XYLT1: variants seen among roughly 807,000 people sequenced by gnomAD.
The protein encoded by XYLT1 is beta-D-xylosyltransferase 1.
A neutral mutation model predicts 91.3 loss-of-function variants in XYLT1; 36 were observed. That is an observed-to-expected ratio of 0.39 (90% confidence interval 0.30 to 0.52). XYLT1 has a LOEUF of 0.52. Among genes scored for constraint, XYLT1 ranks in the 20% least tolerant of loss-of-function variants. The probability of loss-of-function intolerance (pLI) is 0.68; values close to 1 mark genes in which losing one functional copy is unlikely to be tolerated. For synonymous variants in XYLT1, 588 were observed against 532.0 expected, an observed-to-expected ratio of 1.11 and a Z score of -1.45; for missense variants, 1,242 against 1,284.5, an observed-to-expected ratio of 0.97 and a Z score of 0.51.
chr16:17,226,294 T>C (rs1362327837), intron 3 of XYLT1, among the ~76,000 whole-genome samples: 2 of 152,070 alleles, frequency 1.3e-5, no homozygotes, highest in Non-Finnish European at 2.9e-5. Flanking sequence ...CCACATACCG[T>C]AGGGACATTC....
In XYLT1 at chr16:17,340,520, T is replaced by A. The variant is rs542604836; in HGVS notation, c.402+17492A>T. On this transcript the variant is annotated intron_variant, in intron 2 of 11. Coordinates refer to ENST00000261381, the MANE Select transcript of XYLT1 (RefSeq NM_022166.4). The stretch of plus-strand genomic sequence containing the variant: ...AGAATGGTTAAATCTTAAAGAACAA[T>A]CGCCACCATTACCAATTACACAAAC... Among the ~76,000 whole-genome samples the A allele has an allele frequency of 2.0e-5, 3 of 152,298 alleles. No homozygotes were observed. In the South Asian group the frequency reaches 6.2e-4, roughly 32 times the overall value.
chr16:17,412,462 G>A (rs1265314399), intron 1 of XYLT1, among the ~76,000 whole-genome samples: 1 of 148,582 alleles, frequency 6.7e-6, no homozygotes, highest in Non-Finnish European at 1.5e-5. Context: ...TCTTCATTCT[G>A]TAGTTAGAGG....
At chr16:17,141,042 G>C (rs2030957203) in intron 7 of XYLT1, 111 bp downstream of exon 7, 4 of 1,040,062 alleles carry the variant, frequency 3.8e-6, no homozygotes, top group Admixed American at 1.9e-5. Flanking sequence ...GGTGTGTAGA[G>C]GACAATGTAG....
At chr16:17,457,141 G>T (rs2036755402) in intron 1 of XYLT1, among the ~76,000 whole-genome samples, 1 of 152,076 alleles carries the variant, frequency 6.6e-6, no homozygotes, top group South Asian at 2.1e-4. Context: ...CTCTAAATTT[G>T]ATTTGGATTG....
At chr16:17,386,278 G>A (rs1464114937) in intron 1 of XYLT1, among the ~76,000 whole-genome samples, 1 of 152,088 alleles carries the variant, frequency 6.6e-6, no homozygotes, top group East Asian at 1.9e-4. Context: ...CCATCTTCCA[G>A]TTCTGAATCT....
intron 1 of XYLT1, among the ~76,000 whole-genome samples, chr16:17,375,809 C>T (rs913302056): frequency 6.6e-6 from 1 of 152,236 alleles, no homozygotes; most frequent in Non-Finnish European, 1.5e-5. Context: ...ATAAAGGTGG[C>T]TTCCGGAGCC....
intron 3 of XYLT1, among the ~76,000 whole-genome samples, chr16:17,253,010 A>T (rs1433927423): frequency 6.6e-6 from 1 of 152,208 alleles, no homozygotes; most frequent in Admixed American, 6.5e-5. Flanking sequence ...TCATTTAGCA[A>T]AGAAATAAAA....
At chr16:17,197,908 C>G (rs1312198426) in intron 5 of XYLT1, 1 of 416,324 alleles carries the variant, frequency 2.4e-6, no homozygotes, top group African/African-American at 2.0e-5. Flanking sequence ...TACACCTATC[C>G]TGTTAGTTCT....
At chr16:17,357,141 C>T (rs1357702858) in intron 2 of XYLT1, among the ~76,000 whole-genome samples, 2 of 139,342 alleles carry the variant, frequency 1.4e-5, no homozygotes, top group Non-Finnish European at 1.5e-5. Context: ...CATGCCACTG[C>T]ACTCCAGCCT....
intron 5 of XYLT1, among the ~76,000 whole-genome samples, chr16:17,171,183 T>G (rs1430860275): frequency 6.6e-6 from 1 of 152,124 alleles, no homozygotes; most frequent in African/African-American, 2.4e-5. Flanking sequence ...TGTTATTATT[T>G]TTATTATCAT....
chr16:17,104,151 G>T lies in XYLT1; in HGVS notation c.*4544C>A, dbSNP rs1288734893. On this transcript the variant is annotated 3_prime_UTR_variant, in exon 12 of 12. Coordinates refer to ENST00000261381, the MANE Select transcript of XYLT1 (RefSeq NM_022166.4). ...ATCCCGTGAGCCAGCACAGCTCTAT[G>T]TGGTTTCCAAAGAGGCTTCCAGGGA... The T allele has an allele frequency of 2.0e-5, 3 of 152,796 alleles. No homozygotes were observed. Among genetic ancestry groups the T allele is most frequent in the African/African-American group, 7.2e-5 (3 of 41,460 alleles). 9.5% of individuals were successfully genotyped at this position (152,796 alleles called of 1,614,324 possible).
intron 3 of XYLT1, among the ~76,000 whole-genome samples, chr16:17,208,886 G>A (rs139194000): frequency 0.014 from 2,197 of 152,080 alleles, 53 homozygotes; most frequent in African/African-American, 0.05. Flanking sequence ...CACCACGCCC[G>A]GCTAATTTTT....
chr16:17,300,110 G>A (rs1459921498), intron 2 of XYLT1, among the ~76,000 whole-genome samples: 2 of 152,194 alleles, frequency 1.3e-5, no homozygotes, highest in East Asian at 1.9e-4. Flanking sequence ...AGGTCGGGAG[G>A]AATTTGGGGG....
intron 9 of XYLT1, 124 bp from the exon 10 acceptor site, chr16:17,127,985 C>T (rs2141496571): frequency 1.3e-6 from 1 of 776,276 alleles, no homozygotes; most frequent in Non-Finnish European, 2.0e-6. Flanking sequence ...TACTGTTTTC[C>T]TTGCGTCCTC....
intron 1 of XYLT1, among the ~76,000 whole-genome samples, chr16:17,399,287 C>T (rs2035933478): frequency 6.6e-6 from 1 of 152,090 alleles, no homozygotes; most frequent in South Asian, 2.1e-4. Context: ...CTCCTCCCCA[C>T]AAAGGGTAAA....
At chr16:17,148,650 T>C (rs916661611) in intron 6 of XYLT1, among the ~76,000 whole-genome samples, 2 of 152,236 alleles carry the variant, frequency 1.3e-5, no homozygotes, top group African/African-American at 2.4e-5. Context: ...AGAAAAGTTA[T>C]GTAACTTTCC....
chr16:17,448,588 G>A (rs4329905), intron 1 of XYLT1, among the ~76,000 whole-genome samples: 29,269 of 151,720 alleles, frequency 0.19, 3,366 homozygotes, highest in African/African-American at 0.31. Flanking sequence ...GAGAGGAAGA[G>A]GCAGAGTTGA....
At position 17,186,159 on chromosome 16, in the gene XYLT1, A is replaced by G. The variant is rs374196168; in HGVS notation, c.1289+12053T>C. On this transcript the variant is annotated intron_variant, in intron 5 of 11. Coordinates refer to ENST00000261381, the MANE Select transcript of XYLT1 (RefSeq NM_022166.4). ...ACTCTTGCTGCCCAGGCTGGAGTGC[A>G]GTGGCGCGATCTCGGCTCACTGCAA... Among the ~76,000 whole-genome samples the G allele has an allele frequency of 3.0e-3, 453 of 152,240 alleles. 4 individuals are homozygous for G. Among genetic ancestry groups the G allele is most frequent in the African/African-American group, 0.01 (429 of 41,548 alleles).
chr16:17,327,619 C>A (rs1384480964), intron 2 of XYLT1, among the ~76,000 whole-genome samples: 1 of 4,564 alleles, frequency 2.2e-4, no homozygotes, highest in African/African-American at 4.7e-4. Context: ...CCCCCCCCCC[C>A]CCCCCCCCCG....
Sources: allele counts gnomAD v4.1 joint callset (sites outside exome capture counted in the v4.1 genomes callset), GRCh38; gene constraint gnomAD v4.1.1; transcripts MANE v1.5; gene names NCBI Gene and HGNC (gene_info 2026-07-23, HGNC 2026-07-21).